MARK3: variants seen among roughly 807,000 people sequenced by gnomAD.
The protein encoded by MARK3 is microtubule affinity regulating kinase 3, also known as MAP/microtubule affinity-regulating kinase 3.
A neutral mutation model predicts 90.1 loss-of-function variants in MARK3; 46 were observed. The observed-to-expected ratio is 0.51, with a 90% CI of 0.40 to 0.65. The LOEUF is 0.65. MARK3 is among the 30% of genes least tolerant of loss of function. The pLI is 0.00. For missense variants in MARK3, 818 were observed against 947.2 expected, an observed-to-expected ratio of 0.86 and a Z score of 1.79; for synonymous variants, 321 against 332.6, an observed-to-expected ratio of 0.97 and a Z score of 0.38.
intron 1 of MARK3, 65 bp from the exon 2 acceptor site, chr14:103,405,011 T>C (rs2091193688): frequency 3.1e-6 from 4 of 1,271,602 alleles, no homozygotes; most frequent in Non-Finnish European, 4.4e-6. Context: ...AATTAGAAGC[T>C]CTTAGAACTT....
At chr14:103,494,253 A>AG (rs2075195244) in intron 15 of MARK3, among the ~76,000 whole-genome samples, 1 of 146,668 alleles carries the variant, frequency 6.8e-6, no homozygotes, top group African/African-American at 2.5e-5. Flanking sequence ...AAAAAAAAAA[A>AG]AAGACTAGCA....
intron 1 of MARK3, among the ~76,000 whole-genome samples, chr14:103,395,964 T>C (rs1025677628): frequency 1.3e-5 from 2 of 152,186 alleles, no homozygotes; most frequent in South Asian, 4.1e-4. Flanking sequence ...TTTAGTCTTA[T>C]CACTTGGCCT....
intron 3 of MARK3, among the ~76,000 whole-genome samples, chr14:103,437,625 T>A (rs2092748258): frequency 6.6e-6 from 1 of 152,174 alleles, no homozygotes; most frequent in Non-Finnish European, 1.5e-5. Flanking sequence ...CTTATTATGC[T>A]ATTTTAGAAA....
chr14:103,427,653 C>T (rs1430812552), intron 2 of MARK3, among the ~76,000 whole-genome samples: 1 of 152,126 alleles, frequency 6.6e-6, no homozygotes, highest in Non-Finnish European at 1.5e-5. Flanking sequence ...CAGAGATTTC[C>T]TGGAACTGAA....
intron 4 of MARK3, among the ~76,000 whole-genome samples, chr14:103,449,488 C>CT (rs2093078957): frequency 6.7e-6 from 1 of 150,080 alleles, no homozygotes; most frequent in African/African-American, 2.4e-5. Flanking sequence ...AGGTCCAATA[C>CT]TTTTTGCTGT....
chr14:103,409,543 A>G (rs1050956644), intron 2 of MARK3, among the ~76,000 whole-genome samples: 1 of 151,958 alleles, frequency 6.6e-6, no homozygotes, highest in Non-Finnish European at 1.5e-5. Flanking sequence ...TAAAATGTAA[A>G]CATTATAGAA....
In MARK3 at chr14:103,457,293, A is replaced by T. The variant is rs2093297666; in HGVS notation, c.483+81A>T. ...CTGAAGCAAACAAGTGTTTGCCTCC[A>T]TAAATGCTTATAAGGCCTGTTGGAT... On this transcript the variant is annotated intron_variant, in intron 6 of 17. Transcript: ENST00000429436. The T allele has an allele frequency of 7.8e-6, 8 of 1,028,516 alleles. No homozygotes were observed. In the East Asian group the frequency reaches 1.9e-4, roughly 25 times the overall value. The allele number at this position is 1,028,516 out of a possible 1,614,324, so 63.7% of individuals were successfully genotyped here.
chr14:103,442,249 A>C (rs1385668860), intron 3 of MARK3, among the ~76,000 whole-genome samples: 1 of 152,076 alleles, frequency 6.6e-6, no homozygotes, highest in Non-Finnish European at 1.5e-5. Context: ...GGGTGCCTGT[A>C]GTCCTAGCTA....
chr14:103,476,981 T>C (rs1366148675), intron 13 of MARK3, among the ~76,000 whole-genome samples: 2 of 152,172 alleles, frequency 1.3e-5, no homozygotes, highest in African/African-American at 4.8e-5. Flanking sequence ...CTTCATGACT[T>C]CTCTTCCCCT....
chr14:103,491,620 T>A (rs2094017445), intron 14 of MARK3, 157 bp from the exon 15 acceptor site: 2 of 665,192 alleles, frequency 3.0e-6, no homozygotes, highest in Non-Finnish European at 2.5e-6. Flanking sequence ...TGGTACCCTT[T>A]CCCACTTAAC....
At chr14:103,418,219 CTTTTTTTTTT>C (rs36012703) in intron 2 of MARK3, among the ~76,000 whole-genome samples, 1 of 61,656 alleles carries the variant, frequency 1.6e-5, no homozygotes, top group African/African-American at 5.8e-5. Flanking sequence ...ATAGTAAAGG[CTTTTTTTTTT>C]TTTTTTTTTT....
At chr14:103,490,881 A>C in intron 14 of MARK3, 1 of 1,031,070 alleles carries the variant, frequency 9.7e-7, no homozygotes, top group Non-Finnish European at 1.2e-6. Flanking sequence ...TGCATTACAC[A>C]CAGGTTGCTC....
intron 1 of MARK3, among the ~76,000 whole-genome samples, chr14:103,389,463 G>T (rs2090058769): frequency 7.1e-6 from 1 of 140,724 alleles, no homozygotes; most frequent in South Asian, 2.3e-4. Context: ...AAGAGGTGAA[G>T]GTTGCAGTGA....
intron 14 of MARK3, among the ~76,000 whole-genome samples, chr14:103,489,220 A>G (rs1244185968): frequency 1.3e-5 from 2 of 152,242 alleles, no homozygotes; most frequent in African/African-American, 2.4e-5. Context: ...CCTCCATACC[A>G]AGAGAATAAC....
At position 103,445,552 on chromosome 14, in the gene MARK3, T is replaced by G. The variant is rs1319060660; in HGVS notation, c.298-3367T>G. Among the ~76,000 whole-genome samples, 3 of 152,226 alleles carry G rather than the reference T, an allele frequency of 2.0e-5. No individual in the cohort carries two copies. The East Asian group carries it at 5.8e-4, about 29-fold the overall frequency. On this transcript the variant is annotated intron_variant, in intron 3 of 17. Coordinates refer to ENST00000429436, the MANE Select transcript of MARK3 (RefSeq NM_001128918.3). The stretch of plus-strand genomic sequence containing the variant: ...CTACGGAATTAAATTTTTACTAGTC[T>G]TCTATCTGGTCCCATTTACCTGTCC...
chr14:103,444,049 A>G lies in MARK3; in HGVS notation c.298-4870A>G, dbSNP rs544945318. Among the ~76,000 whole-genome samples the G allele has an allele frequency of 1.6e-3, 229 of 140,638 alleles. 1 individual carries two copies. The highest frequency in any genetic ancestry group is 5.8e-3 in the African/African-American group (218 of 37,676). The allele number at this position is 140,638 out of a possible 152,430, so 92.3% of individuals were successfully genotyped here. Reference sequence around the variant, plus strand: ...CTGTAACCCCCGTGTTCTCTTTTACATACTCATTTTACTTTCGTATCGGTT... The same window carrying G: ...CTGTAACCCCCGTGTTCTCTTTTACGTACTCATTTTACTTTCGTATCGGTT... On this transcript the variant is annotated intron_variant, in intron 3 of 17. Coordinates refer to ENST00000429436, the MANE Select transcript of MARK3 (RefSeq NM_001128918.3).
intron 2 of MARK3, 88 bp downstream of exon 2, chr14:103,405,355 T>TA: frequency 9.6e-7 from 1 of 1,044,182 alleles, no homozygotes; most frequent in Non-Finnish European, 1.3e-6. Context: ...ATATAGGCCT[T>TA]ATTTCTTTTT....
intron 16 of MARK3, 55 bp downstream of exon 16, chr14:103,498,583 G>T: frequency 7.7e-7 from 1 of 1,303,376 alleles, no homozygotes; most frequent in Non-Finnish European, 9.8e-7. Context: ...AATGGCTCCT[G>T]CAATTAACAT....
intron 14 of MARK3, among the ~76,000 whole-genome samples, chr14:103,481,757 C>CTTTTTTTTTT (rs71126030): frequency 0.029 from 1,442 of 49,808 alleles, 439 homozygotes; most frequent in Non-Finnish European, 0.037. Context: ...ATAGGTATTT[C>CTTTTTTTTTT]TTTTTTTTTT....
Sources: gnomAD v4.1 joint callset for allele counts (sites outside exome capture counted in the v4.1 genomes callset) on GRCh38, gnomAD v4.1.1 for gene constraint, MANE v1.5 for transcripts, NCBI Gene and HGNC (gene_info 2026-07-23, HGNC 2026-07-21) for gene names.